Variants in NSD1 observed in about 807,000 individuals in gnomAD.
The protein encoded by NSD1 is nuclear receptor binding SET domain protein 1.
NSD1 carries 26 observed loss-of-function variants against 242.7 expected under a neutral mutation model. The ratio of observed to expected loss-of-function variants is 0.11; its 90% CI spans 0.08 to 0.15. NSD1 has a LOEUF of 0.15. Among genes scored for constraint, NSD1 ranks in the 10% least tolerant of loss-of-function variants. The pLI, the probability that NSD1 is intolerant of heterozygous loss-of-function variation, is 1.00. For synonymous variants in NSD1, 1,106 were observed against 1,178.1 expected (o/e 0.94, Z 1.25); for missense variants, 2,495 against 3,272.8 (o/e 0.76, Z 5.80).
chr5:177,156,174 ATTTT>A, intron 2 of NSD1, among the ~76,000 whole-genome samples: 1 of 78,016 alleles, frequency 1.3e-5, no homozygotes, highest in African/African-American at 5.4e-5. Flanking sequence ...CTCTTTTCAG[ATTTT>A]TTTTTTTTTT....
intron 8 of NSD1, among the ~76,000 whole-genome samples, chr5:177,240,071 G>A (rs1765734652): frequency 1.3e-5 from 2 of 152,066 alleles, no homozygotes; most frequent in South Asian, 4.1e-4. Context: ...CTGGTTTCAG[G>A]TTTCCTTTCC....
In NSD1 at chr5:177,181,416, G is replaced by GT. The variant is rs1169082532; in HGVS notation, c.928-10459dup. ...ATCCATGTGGGAAACTTCATTATGG[G>GT]TTTTTTTTTGGTTTTTTTTTTTTTT... On this transcript the variant is annotated intron_variant, in intron 2 of 22. Coordinates refer to ENST00000439151, the MANE Select transcript of NSD1 (RefSeq NM_022455.5). Among the ~76,000 whole-genome samples, 550 of 130,128 alleles carry GT rather than the reference G, an allele frequency of 4.2e-3. 3 individuals carry two copies. Among genetic ancestry groups the GT allele is most frequent in the Non-Finnish European group, 6.5e-3 (405 of 62,212 alleles). The allele number at this position is 130,128 out of a possible 152,430, so 85.4% of individuals were successfully genotyped here.
In NSD1 at chr5:177,294,203, C is replaced by T. The variant is rs1760085788; in HGVS notation, c.6835C>T (p.Pro2279Ser). 1.2e-6 allele frequency: 2 copies of T among 1,613,322 alleles called. No homozygotes were observed. The highest frequency in any genetic ancestry group is 1.3e-5 in the African/African-American group (1 of 74,906). Residue 2279 changes from proline to serine, a missense_variant, in exon 23 of 23, where the codon CCT (proline) becomes TCT (serine). Around this residue, in one of 19 missense-constraint regions of NSD1, gnomAD observed 475 missense variants for 563.7 expected, o/e 0.84. Coordinates refer to ENST00000439151, the MANE Select transcript of NSD1 (RefSeq NM_022455.5). ...LAGTCQRPLL[P>S]ERPLERTDSR... is the part of the protein sequence containing the mutation. ...AGGGACTTGTCAGAGGCCATTGCTA[C>T]CTGAAAGACCTCTTGAGAGAACTGA...
At chr5:177,180,976 C>G (rs138490376) in intron 2 of NSD1, among the ~76,000 whole-genome samples, 1 of 151,696 alleles carries the variant, frequency 6.6e-6, no homozygotes, top group African/African-American at 2.4e-5. Context: ...CCACCGTGCC[C>G]GGCTGATGAT....
chr5:177,212,622 A>T (rs1763448642), intron 5 of NSD1, among the ~76,000 whole-genome samples: 1 of 150,866 alleles, frequency 6.6e-6, no homozygotes, highest in African/African-American at 2.4e-5. Context: ...CTCTTGCCTG[A>T]CCTGTTCCCC....
intron 2 of NSD1, among the ~76,000 whole-genome samples, chr5:177,149,686 G>A (rs1176801546): frequency 2.6e-5 from 4 of 152,052 alleles, no homozygotes; most frequent in South Asian, 2.1e-4. Flanking sequence ...TAAGAAGCGC[G>A]CAACCTAGAT....
At chr5:177,251,913 A>G (rs1755999178) in intron 12 of NSD1, 60 bp downstream of exon 12, 2 of 1,607,072 alleles carry the variant, frequency 1.2e-6, no homozygotes, top group South Asian at 1.1e-5. Context: ...GTTTTTCAGG[A>G]AAGACATTTA....
chr5:177,176,578 C>T (rs1446623064), intron 2 of NSD1, among the ~76,000 whole-genome samples: 2 of 152,104 alleles, frequency 1.3e-5, no homozygotes, highest in African/African-American at 4.8e-5. Flanking sequence ...ACCACAGGCA[C>T]ACACCACCAC....
intron 5 of NSD1, among the ~76,000 whole-genome samples, chr5:177,213,549 G>C (rs1289492314): frequency 1.3e-5 from 2 of 152,016 alleles, no homozygotes; most frequent in South Asian, 2.1e-4. Context: ...CTCACTGCAG[G>C]CTCCGCCTCC....
chr5:177,284,590 C>T (rs1759154593), intron 20 of NSD1, among the ~76,000 whole-genome samples: 1 of 152,152 alleles, frequency 6.6e-6, no homozygotes, highest in African/African-American at 2.4e-5. Context: ...CTTAGCTTGG[C>T]TCATTTCTTT....
chr5:177,153,580 A>G (rs1757899607), intron 2 of NSD1, among the ~76,000 whole-genome samples: 1 of 152,054 alleles, frequency 6.6e-6, no homozygotes, highest in Admixed American at 6.6e-5. Flanking sequence ...CATTGGATAT[A>G]AATATTTTCC....
In NSD1 at chr5:177,211,801, C is replaced by T. The variant is rs2149848346; in HGVS notation, c.3402C>T (p.Gly1134=). Residue 1134 remains glycine (G), a synonymous_variant, in exon 5 of 23, where the codon GGC becomes GGT. Transcript: ENST00000439151. ...EKGLSFENGK[G]PELDSVMNSE... The stretch of plus-strand genomic sequence containing the variant: ...GACTCTCTTTTGAAAACGGAAAAGG[C>T]CCAGAGCTGGACTCTGTAATGAACA... 1.9e-6 allele frequency: 3 copies of T among 1,614,090 alleles called. No individual in the cohort carries two copies. Among genetic ancestry groups the T allele is most frequent in the Non-Finnish European group, 2.5e-6 (3 of 1,180,038 alleles).
At position 177,204,112 on chromosome 5, in the gene NSD1, T is replaced by A; in HGVS notation, c.1064-8T>A. 6.2e-7 allele frequency: 1 copy of A among 1,613,566 alleles called. No individual in the cohort carries two copies. Among genetic ancestry groups the A allele is most frequent in the Non-Finnish European group, 8.5e-7 (1 of 1,179,550 alleles). On this transcript the variant is annotated splice_region_variant and splice_polypyrimidine_tract_variant and intron_variant, in intron 3 of 22. Coordinates refer to ENST00000439151, the MANE Select transcript of NSD1 (RefSeq NM_022455.5). ...TCTAATGATTCTGGTTCTCTTACCCTTACCTAGTTTCCAACCGGAGGCCCT... is the reference window on the plus strand; with the variant it reads ...TCTAATGATTCTGGTTCTCTTACCCATACCTAGTTTCCAACCGGAGGCCCT...
chr5:177,217,426 C>G (rs1363971778), intron 5 of NSD1, among the ~76,000 whole-genome samples: 1 of 152,038 alleles, frequency 6.6e-6, no homozygotes, highest in Non-Finnish European at 1.5e-5. Flanking sequence ...ATGTCATCTG[C>G]AAAGAGATAA....
intron 12 of NSD1, among the ~76,000 whole-genome samples, chr5:177,252,539 CTTTTTTTTTTTTTTTTTT>C (rs70991600): frequency 2.1e-5 from 1 of 47,400 alleles, no homozygotes; most frequent in Non-Finnish European, 4.0e-5. Context: ...GTAAAGTGTT[CTTTTTTTTTTTTTTTTTT>C]TTTTTTTTTT....
At chr5:177,150,528 A>C (rs1460575002) in intron 2 of NSD1, among the ~76,000 whole-genome samples, 1 of 146,766 alleles carries the variant, frequency 6.8e-6, no homozygotes, top group African/African-American at 2.4e-5. Context: ...GTAAAACACA[A>C]ATTTTAGTGT....
Position 177,299,958 on chromosome 5 carries a change from G to C in NSD1, c.*4499G>C, listed in dbSNP as rs1760495462. 1 of 232,832 alleles carries C rather than the reference G, an allele frequency of 4.3e-6. No individual in the cohort carries two copies. The highest frequency in any genetic ancestry group is 2.2e-5 in the African/African-American group (1 of 45,224). 14.4% of individuals were successfully genotyped at this position (232,832 alleles called of 1,614,324 possible). On this transcript the variant is annotated 3_prime_UTR_variant, in exon 23 of 23. Coordinates refer to ENST00000439151, the MANE Select transcript of NSD1 (RefSeq NM_022455.5). ...CAGCTCATGGCAGAGCCGCCTCCTA[G>C]GTCTTGGCAAAGAGGCAAGCTGACG...
At position 177,294,797 on chromosome 5, in the gene NSD1, C is replaced by T; in HGVS notation, c.7429C>T (p.Pro2477Ser). ...ERAASPHQVT[P>S]QADEKMPVLE... is the part of the protein sequence containing the mutation. The stretch of plus-strand genomic sequence containing the variant: ...GGCAGCTTCACCTCATCAGGTCACA[C>T]CACAGGCTGATGAGAAGATGCCAGT... Residue 2477 changes from proline (P) to serine (S), a missense_variant, in exon 23 of 23, where the codon CCA becomes TCA. Transcript: ENST00000439151. 1 of 1,613,316 alleles carries T rather than the reference C, an allele frequency of 6.2e-7. No homozygotes were observed. The highest frequency in any genetic ancestry group is 8.5e-7 in the Non-Finnish European group (1 of 1,180,044).
chr5:177,240,998 G>A (rs1765813059), intron 8 of NSD1, among the ~76,000 whole-genome samples: 1 of 152,234 alleles, frequency 6.6e-6, no homozygotes, highest in Non-Finnish European at 1.5e-5. Flanking sequence ...CACCCTGGGT[G>A]ACAGAGCAAG....
Sources: allele counts gnomAD v4.1 joint callset (sites outside exome capture counted in the v4.1 genomes callset), GRCh38; gene constraint gnomAD v4.1.1; regional missense constraint gnomAD v4.1.1; transcripts MANE v1.5; gene names NCBI Gene and HGNC (gene_info 2026-07-23, HGNC 2026-07-21).